Variants in PLD5 observed in about 807,000 individuals in gnomAD.
PLD5 encodes the protein inactive phospholipase D5.
Under a neutral mutation model 61.1 loss-of-function variants are expected in PLD5, and 36 were observed. That is an observed-to-expected ratio of 0.59 (90% CI 0.45 to 0.78). The LOEUF is 0.78. Ranked by LOEUF, PLD5 falls within the 30% of genes least tolerant of loss-of-function variation. The probability of loss-of-function intolerance (pLI) is 0.00; values close to 1 mark genes in which losing one functional copy is unlikely to be tolerated. For synonymous variants in PLD5, 243 were observed against 242.8 expected (o/e 1.00, Z -0.01); for missense variants, 515 against 644.4 (o/e 0.80, Z 2.17).
rs1326643034 is a variant in PLD5, at chr1:242,089,544, G to T, written c.*310C>A. ...AGCTTCCTAACAACTGACCGGGTAG[G>T]TCAGCAGAAAAAGTTCTAAAACTAG... On this transcript the variant is annotated 3_prime_UTR_variant, in exon 10 of 10. Transcript: ENST00000536534. The T allele has an allele frequency of 1.9e-6, 1 of 516,164 alleles. No individual in the cohort carries two copies. Among genetic ancestry groups the T allele is most frequent in the East Asian group, 3.0e-5 (1 of 33,510 alleles). 32.0% of individuals were successfully genotyped at this position (516,164 alleles called of 1,614,324 possible).
intron 1 of PLD5, among the ~76,000 whole-genome samples, chr1:242,482,492 A>G (rs1421981919): frequency 6.6e-6 from 1 of 152,200 alleles, no homozygotes; most frequent in African/African-American, 2.4e-5. Flanking sequence ...ATGAAGTGAG[A>G]AGAGAAGTTT....
At chr1:242,491,395 A>G (rs1041934947) in intron 1 of PLD5, among the ~76,000 whole-genome samples, 1 of 152,160 alleles carries the variant, frequency 6.6e-6, no homozygotes, top group African/African-American at 2.4e-5. Context: ...GCATGTGCGC[A>G]CACACACACA....
At chr1:242,255,948 C>G (rs316915) in intron 4 of PLD5, among the ~76,000 whole-genome samples, 3 of 152,184 alleles carry the variant, frequency 2.0e-5, no homozygotes, top group Non-Finnish European at 4.4e-5. Context: ...GCCAATTAAA[C>G]GTCTACCAAT....
At chr1:242,525,521 A>T (rs1669424925), upstream of PLD5, among the ~76,000 whole-genome samples, 1 of 152,232 alleles carries the variant, frequency 6.6e-6, no homozygotes, top group African/African-American at 2.4e-5. Context: ...CTTGTTCGCG[A>T]TTAAATCTTC....
At chr1:242,246,867 TGTG>T (rs1672398923) in intron 4 of PLD5, among the ~76,000 whole-genome samples, 3 of 152,244 alleles carry the variant, frequency 2.0e-5, no homozygotes, top group South Asian at 2.1e-4. Context: ...AGACAGGAAT[TGTG>T]GTGAAATCAC....
chr1:242,095,163 C>T (rs1660126197), intron 9 of PLD5, among the ~76,000 whole-genome samples: 1 of 151,922 alleles, frequency 6.6e-6, no homozygotes, highest in African/African-American at 2.4e-5. Flanking sequence ...TCTCTATCTC[C>T]TGACCTTGTG....
intron 5 of PLD5, among the ~76,000 whole-genome samples, chr1:242,211,692 C>T (rs1005094946): frequency 1.3e-5 from 2 of 152,052 alleles, no homozygotes; most frequent in Non-Finnish European, 2.9e-5. Context: ...GCATGAGGAA[C>T]GCTACAAAAG....
At chr1:242,281,052 T>G (rs531238493) in intron 3 of PLD5, among the ~76,000 whole-genome samples, 13 of 152,154 alleles carry the variant, frequency 8.5e-5, no homozygotes, top group Non-Finnish European at 1.9e-4. Flanking sequence ...GAACAAGAGA[T>G]GCTGGAGGCA....
intron 3 of PLD5, among the ~76,000 whole-genome samples, chr1:242,286,017 G>A (rs974843899): frequency 3.3e-5 from 5 of 152,104 alleles, no homozygotes; most frequent in African/African-American, 1.2e-4. Flanking sequence ...GCTGAGACAG[G>A]AGAATTGCTT....
intron 1 of PLD5, among the ~76,000 whole-genome samples, chr1:242,423,885 G>A (rs1327436504): frequency 6.6e-6 from 1 of 152,040 alleles, no homozygotes; most frequent in Non-Finnish European, 1.5e-5. Flanking sequence ...TAACACACAG[G>A]GGCAATGGTT....
intron 2 of PLD5, among the ~76,000 whole-genome samples, chr1:242,325,086 C>G (rs558406294): frequency 2.0e-5 from 3 of 152,220 alleles, no homozygotes; most frequent in South Asian, 4.1e-4. Flanking sequence ...TAAATTGGCT[C>G]TATCTGGGTA....
At chr1:242,339,772 G>A (rs1337614135) in intron 2 of PLD5, among the ~76,000 whole-genome samples, 1 of 152,122 alleles carries the variant, frequency 6.6e-6, no homozygotes, top group Non-Finnish European at 1.5e-5. Flanking sequence ...AAGTCACTTG[G>A]GGGATTCTGA....
chr1:242,187,626 G>A (rs1023497470), intron 5 of PLD5, among the ~76,000 whole-genome samples: 6 of 152,262 alleles, frequency 3.9e-5, no homozygotes, highest in South Asian at 2.1e-4. Flanking sequence ...TTAAGTGCAC[G>A]TAGAATAATT....
chr1:242,098,327 T>C (rs1660410603), intron 9 of PLD5, among the ~76,000 whole-genome samples: 1 of 152,254 alleles, frequency 6.6e-6, no homozygotes, highest in Non-Finnish European at 1.5e-5. Flanking sequence ...CCATCACTGA[T>C]ACCCTTCTTC....
intron 7 of PLD5, among the ~76,000 whole-genome samples, chr1:242,111,200 G>A (rs773916298): frequency 6.6e-6 from 1 of 152,054 alleles, no homozygotes; most frequent in African/African-American, 2.4e-5. Context: ...GGGATTATAG[G>A]TGTCTGCCAC....
rs1663270015 is a variant in PLD5, at chr1:242,394,474, ATGTG to A, written c.190-46236_190-46233del. Among the ~76,000 whole-genome samples, 2 of 86,980 alleles carry A rather than the reference ATGTG, an allele frequency of 2.3e-5. 1 individual carries two copies. The highest frequency in any genetic ancestry group is 2.7e-4 in the Admixed American group (2 of 7,366). The allele number at this position is 86,980 out of a possible 152,430, so 57.1% of individuals were successfully genotyped here. A position where few individuals can be genotyped will look rare whatever the true frequency, so the allele number is the denominator to read the frequency against. ...TATGAGTATATATGTGAACATATAT[ATGTG>A]TATATATGTGAACATATATATGTGT... is the stretch of plus-strand genomic sequence containing the variant. On this transcript the variant is annotated intron_variant, in intron 1 of 9. Coordinates refer to ENST00000536534, the MANE Select transcript of PLD5 (RefSeq NM_001372062.1).
intron 5 of PLD5, among the ~76,000 whole-genome samples, chr1:242,132,962 C>T (rs1650181151): frequency 1.3e-5 from 2 of 151,986 alleles, no homozygotes; most frequent in Admixed American, 1.3e-4. Context: ...CACTCCACAC[C>T]CAAGTAACAA....
intron 6 of PLD5, among the ~76,000 whole-genome samples, chr1:242,119,611 A>C (rs1662215738): frequency 6.6e-6 from 1 of 152,222 alleles, no homozygotes; most frequent in South Asian, 2.1e-4. Flanking sequence ...AGAAGATTTA[A>C]ATCAAAACAA....
chr1:242,325,316 T>C (rs540722293), intron 2 of PLD5, among the ~76,000 whole-genome samples: 1 of 148,950 alleles, frequency 6.7e-6, no homozygotes, highest in Admixed American at 6.9e-5. Flanking sequence ...TGATGGTGAC[T>C]GGGCTGACTC....
Sources: gnomAD v4.1 joint callset for allele counts (sites outside exome capture counted in the v4.1 genomes callset) on GRCh38, gnomAD v4.1.1 for gene constraint, MANE v1.5 for transcripts, NCBI Gene and HGNC (gene_info 2026-07-23, HGNC 2026-07-21) for gene names.